The following CYRIB variants were observed in gnomAD, a reference collection of about 807,000 sequenced individuals.
CYRIB encodes the protein CYFIP-related Rac1 interactor B.
CYRIB carries 8 observed loss-of-function variants against 44.2 expected under a neutral mutation model. That is an observed-to-expected ratio of 0.18 (90% CI 0.11 to 0.33). The LOEUF is 0.33. CYRIB is among the 10% of genes least tolerant of loss of function. The probability of loss-of-function intolerance (pLI) is 1.00; values close to 1 mark genes in which losing one functional copy is unlikely to be tolerated. For synonymous variants in CYRIB, 131 were observed against 127.2 expected (o/e 1.03, Z -0.20); for missense variants, 185 against 382.8 (o/e 0.48, Z 4.31).
At chr8:129,869,936 T>C (rs1259776421) in intron 4 of CYRIB, among the ~76,000 whole-genome samples, 1 of 147,710 alleles carries the variant, frequency 6.8e-6, no homozygotes, top group Non-Finnish European at 1.5e-5. Context: ...ATGTGTATAA[T>C]GTGGGCAAAA....
At chr8:129,897,442 T>C (rs79736926) in intron 2 of CYRIB, among the ~76,000 whole-genome samples, 3,540 of 152,080 alleles carry the variant, frequency 0.023, 57 homozygotes, top group Non-Finnish European at 0.035. Context: ...CTCCTAGAAA[T>C]AAACTAAACA....
At chr8:129,996,357 T>A (rs543486413) in intron 1 of CYRIB, among the ~76,000 whole-genome samples, 1 of 152,198 alleles carries the variant, frequency 6.6e-6, no homozygotes, top group East Asian at 1.9e-4. Context: ...CTATCTAAAC[T>A]TCCTGGTTTA....
intron 2 of CYRIB, chr8:129,948,912 A>G (rs1564344584): frequency 6.6e-6 from 1 of 152,160 alleles, no homozygotes; most frequent in Non-Finnish European, 1.5e-5. Flanking sequence ...AAAAAATTTA[A>G]AAACAAAGGA....
chr8:129,976,226 C>T (rs1363177673), intron 1 of CYRIB, among the ~76,000 whole-genome samples: 1 of 151,852 alleles, frequency 6.6e-6, no homozygotes, highest in Non-Finnish European at 1.5e-5. Context: ...TAAACTTATG[C>T]CTATAATCCT....
chr8:129,994,981 G>C (rs1409960704), intron 1 of CYRIB, among the ~76,000 whole-genome samples: 7 of 152,324 alleles, frequency 4.6e-5, no homozygotes, highest in Admixed American at 1.3e-4. Context: ...ATGTGGCCAA[G>C]CTGAGGCCAC....
At chr8:129,925,682 T>G (rs926514946) in intron 1 of CYRIB, among the ~76,000 whole-genome samples, 3 of 152,222 alleles carry the variant, frequency 2.0e-5, no homozygotes, top group African/African-American at 7.2e-5. Context: ...TTGCTTTCTT[T>G]TGCTGTGCTG....
intron 1 of CYRIB, among the ~76,000 whole-genome samples, chr8:129,917,414 A>G (rs2081287732): frequency 1.3e-5 from 2 of 152,246 alleles, no homozygotes; most frequent in South Asian, 4.2e-4. Context: ...AATTCTCCAT[A>G]ATGTTATTAG....
intron 1 of CYRIB, among the ~76,000 whole-genome samples, chr8:129,987,903 G>A (rs1267828264): frequency 6.6e-6 from 1 of 152,098 alleles, no homozygotes; most frequent in East Asian, 1.9e-4. Flanking sequence ...TCCTCCGCTG[G>A]CTCCCACGGC....
chr8:129,901,768 C>T (rs2072180130), intron 2 of CYRIB: 1 of 152,056 alleles, frequency 6.6e-6, no homozygotes, highest in Admixed American at 6.5e-5. Flanking sequence ...TTAATAGAAA[C>T]CATGGGTATT....
intron 1 of CYRIB, among the ~76,000 whole-genome samples, chr8:130,010,465 A>G (rs1055674729): frequency 6.6e-6 from 1 of 152,116 alleles, no homozygotes; most frequent in Admixed American, 6.6e-5. Context: ...AGAGTACTGG[A>G]TGCTTAGGCC....
intron 7 of CYRIB, among the ~76,000 whole-genome samples, chr8:129,852,753 GTA>G (rs981193213): frequency 1.3e-5 from 2 of 152,190 alleles, no homozygotes; most frequent in African/African-American, 4.8e-5. Flanking sequence ...AGGGGAAAGA[GTA>G]TGTTTTCAAA....
At chr8:129,943,171 G>A (rs1347530861), upstream of CYRIB, among the ~76,000 whole-genome samples, 9 of 147,852 alleles carry the variant, frequency 6.1e-5, no homozygotes, top group East Asian at 1.6e-3. Flanking sequence ...GCTCCGGAGG[G>A]GCTGAGAGTT....
chr8:129,848,014 C>G (rs990750904), intron 10 of CYRIB, among the ~76,000 whole-genome samples: 1 of 152,070 alleles, frequency 6.6e-6, no homozygotes, highest in Non-Finnish European at 1.5e-5. Context: ...CCATGTTGGC[C>G]AGGCTGGTCT....
At chr8:130,012,454 CA>C (rs943060248) in intron 1 of CYRIB, among the ~76,000 whole-genome samples, 3 of 152,080 alleles carry the variant, frequency 2.0e-5, no homozygotes, top group African/African-American at 7.2e-5. Flanking sequence ...ACATTGGATG[CA>C]GGGACAGATG....
chr8:129,905,492 C>T (rs1480928203), intron 1 of CYRIB, among the ~76,000 whole-genome samples: 1 of 152,200 alleles, frequency 6.6e-6, no homozygotes, highest in African/African-American at 2.4e-5. Context: ...GCTGGGATTA[C>T]AATCTTTCAC....
At chr8:129,987,960 C>T (rs894708564) in intron 1 of CYRIB, among the ~76,000 whole-genome samples, 3 of 152,216 alleles carry the variant, frequency 2.0e-5, no homozygotes, top group African/African-American at 7.2e-5. Flanking sequence ...ACAAAGCCAC[C>T]ATCAGCTGAC....
chr8:129,926,963 C>A (rs1323320461), intron 1 of CYRIB, among the ~76,000 whole-genome samples: 1 of 152,182 alleles, frequency 6.6e-6, no homozygotes, highest in African/African-American at 2.4e-5. Context: ...ACATAATGTG[C>A]TGCATTCATA....
At chr8:129,952,075 C>T (rs997310676) in intron 2 of CYRIB, among the ~76,000 whole-genome samples, 2 of 152,232 alleles carry the variant, frequency 1.3e-5, no homozygotes, top group African/African-American at 2.4e-5. Context: ...GACAGAGCTT[C>T]GCTCTTGTTG....
chr8:129,897,973 C>G (rs2068968898), intron 2 of CYRIB, among the ~76,000 whole-genome samples: 3 of 152,030 alleles, frequency 2.0e-5, no homozygotes, highest in Admixed American at 6.6e-5. Context: ...GCCATGTTGG[C>G]CAGGCTGGTC....
Sources: gnomAD v4.1 joint callset for allele counts (sites outside exome capture counted in the v4.1 genomes callset) on GRCh38, gnomAD v4.1.1 for gene constraint, MANE v1.5 for transcripts, NCBI Gene and HGNC (gene_info 2026-07-23, HGNC 2026-07-21) for gene names.